MAST2: variants seen among roughly 807,000 people sequenced by gnomAD.
MAST2 encodes the protein microtubule-associated serine/threonine-protein kinase 2.
A neutral mutation model predicts 147.4 loss-of-function variants in MAST2; 70 were observed. The observed-to-expected ratio is 0.47, with a 90% confidence interval of 0.39 to 0.58. The LOEUF is 0.58. Among genes scored for constraint, MAST2 ranks in the 20% least tolerant of loss-of-function variants. MAST2 has a pLI of 0.00. For missense variants in MAST2, 2,080 were observed against 2,302.3 expected (o/e 0.90, Z 1.98); for synonymous variants, 869 against 896.8 (o/e 0.97, Z 0.55).
intron 5 of MAST2, among the ~76,000 whole-genome samples, chr1:45,972,436 C>T (rs1371304581): frequency 1.3e-5 from 2 of 152,198 alleles, no homozygotes; most frequent in East Asian, 3.8e-4. Context: ...GGCCAAGTGA[C>T]AGCTTGCCAC....
Position 46,031,525 on chromosome 1 carries a change from C to T in MAST2, c.3127C>T (p.Pro1043Ser), listed in dbSNP as rs762761198. ...CTCAACAGAGAAGCGCACTGCTCGC[C>T]CTGTCAACAAAGTGATCAAGTCCGC... The part of the protein sequence containing the change: ...GDSTEKRTAR[P>S]VNKVIKSASA... The change falls in exon 24 of 29, where the codon CCT becomes TCT. Residue 1043 changes from proline to serine, a missense_variant. By Grantham distance (74) the Pro-to-Ser change is moderately conservative (BLOSUM62 -1). Transcript: ENST00000361297. The surrounding 1 kb of genome is among the most constrained non-coding windows in gnomAD (Gnocchi z 4.1). 3 of 1,614,170 alleles carry T rather than the reference C, an allele frequency of 1.9e-6. No homozygotes were observed. In the South Asian group the frequency reaches 3.3e-5, roughly 18 times the overall value.
At chr1:45,839,977 G>A (rs1638692853) in intron 3 of MAST2, among the ~76,000 whole-genome samples, 1 of 152,150 alleles carries the variant, frequency 6.6e-6, no homozygotes, top group Admixed American at 6.5e-5. Context: ...AACTTGAAGT[G>A]GGTAATTGAA....
rs190232466 is a variant in MAST2 at position 46,034,468 on chromosome 1, C to T, written c.3869-70C>T. On this transcript the variant is annotated intron_variant, in intron 28 of 28. Transcript: ENST00000361297. ...CATAACAGGGCTAAGCCCTGTCTTGCCCTTGAGTCACTTCTAACAGCTAAC... is the reference window on the plus strand; with the variant it reads ...CATAACAGGGCTAAGCCCTGTCTTGTCCTTGAGTCACTTCTAACAGCTAAC... 110 of 1,490,628 alleles carry T rather than the reference C, an allele frequency of 7.4e-5. No homozygotes were observed. In the African/African-American group the frequency reaches 1.3e-3, roughly 18 times the overall value. The allele number at this position is 1,490,628 out of a possible 1,614,324, so 92.3% of individuals were successfully genotyped here. A position where few individuals can be genotyped will look rare whatever the true frequency, so the allele number is the denominator to read the frequency against.
intron 1 of MAST2, among the ~76,000 whole-genome samples, chr1:45,807,021 T>C (rs775086834): frequency 2.0e-5 from 3 of 152,204 alleles, no homozygotes; most frequent in Non-Finnish European, 4.4e-5. Context: ...AATTGAAATA[T>C]AATTCATGGC....
chr1:45,925,345 A>G (rs898180741), intron 4 of MAST2, among the ~76,000 whole-genome samples: 26 of 152,204 alleles, frequency 1.7e-4, no homozygotes, highest in Non-Finnish European at 3.5e-4. Flanking sequence ...GGTATGATGA[A>G]CCTTAAGAGG....
chr1:45,900,337 C>G (rs1020848318), intron 4 of MAST2, among the ~76,000 whole-genome samples: 1 of 151,880 alleles, frequency 6.6e-6, no homozygotes, highest in Non-Finnish European at 1.5e-5. Context: ...TAAGCATTCC[C>G]TTTTCTCTGC....
At chr1:46,029,176 C>A in intron 18 of MAST2, 1 of 550,822 alleles carries the variant, frequency 1.8e-6, no homozygotes, top group Non-Finnish European at 3.2e-6. Context: ...CCTGGGTGTT[C>A]CTGTCTGTGT....
chr1:45,824,304 A>G (rs964064721), intron 1 of MAST2, 129 bp from the exon 2 acceptor site: 6 of 531,348 alleles, frequency 1.1e-5, no homozygotes, highest in African/African-American at 1.9e-5. Context: ...GGTTTTAGCT[A>G]TGGAGGGGGA....
intron 28 of MAST2, 128 bp downstream of exon 28, chr1:46,034,394 C>G (rs1646812702): frequency 3.0e-6 from 4 of 1,340,524 alleles, no homozygotes; most frequent in African/African-American, 3.0e-5. Context: ...ATCCTGTAGT[C>G]TTGGGGAGGA....
intron 10 of MAST2, among the ~76,000 whole-genome samples, chr1:46,014,319 TC>T (rs1186021919): frequency 1.1e-5 from 1 of 94,448 alleles, no homozygotes; most frequent in African/African-American, 4.3e-5. Flanking sequence ...ATGCTATCCC[TC>T]CCCCCTCCCC....
At chr1:45,975,202 A>G (rs762264655) in intron 5 of MAST2, among the ~76,000 whole-genome samples, 4 of 152,160 alleles carry the variant, frequency 2.6e-5, no homozygotes, top group Non-Finnish European at 4.4e-5. Context: ...GCTGTACTAA[A>G]TGTGTGTCCA....
At position 45,826,781 on chromosome 1, in the gene MAST2, T is replaced by C. The variant is rs569941004; in HGVS notation, c.325+2201T>C. 2.0e-5 allele frequency among the ~76,000 whole-genome samples: 3 copies of C among 152,290 alleles called. No homozygotes were observed. The South Asian group carries it at 6.2e-4, about 32-fold the overall frequency. ...AGTTTTTTCACCCCCTCATTATCAG[T>C]GTCTGGCTGTTTCTGTCATTATGGC... On this transcript the variant is annotated intron_variant, in intron 2 of 28. Coordinates refer to ENST00000361297, the MANE Select transcript of MAST2 (RefSeq NM_015112.3).
chr1:45,930,342 G>C (rs1346473655), intron 4 of MAST2, among the ~76,000 whole-genome samples: 1 of 151,892 alleles, frequency 6.6e-6, no homozygotes, highest in African/African-American at 2.4e-5. Context: ...GCCTCCCAAA[G>C]TGCTGGGATT....
At chr1:45,892,178 C>G (rs1268204206) in intron 4 of MAST2, among the ~76,000 whole-genome samples, 3 of 152,158 alleles carry the variant, frequency 2.0e-5, no homozygotes, top group Admixed American at 2.0e-4. Context: ...ATATTCTGGT[C>G]AAAAGGAGAA....
chr1:45,839,129 A>ATTTTTTTTTTTTTTTTTT (rs370950575), intron 3 of MAST2, among the ~76,000 whole-genome samples: 2 of 127,608 alleles, frequency 1.6e-5, no homozygotes, highest in Non-Finnish European at 1.6e-5. Flanking sequence ...ACCATCACAA[A>ATTTTTTTTTTTTTTTTTT]TTTTTTTTTT....
intron 4 of MAST2, among the ~76,000 whole-genome samples, chr1:45,899,166 G>A (rs891475775): frequency 6.6e-5 from 10 of 152,030 alleles, no homozygotes; most frequent in African/African-American, 1.9e-4. Context: ...CAGGATGATG[G>A]TTTTCATTTA....
chr1:45,886,125 T>A (rs1647072042), intron 4 of MAST2, among the ~76,000 whole-genome samples: 1 of 151,430 alleles, frequency 6.6e-6, no homozygotes, highest in South Asian at 2.1e-4. Flanking sequence ...AATCAAAAAA[T>A]TTTGTATTGT....
chr1:45,939,375 A>T (rs2148782782), intron 4 of MAST2, among the ~76,000 whole-genome samples: 1 of 152,320 alleles, frequency 6.6e-6, no homozygotes, highest in Non-Finnish European at 1.5e-5. Context: ...CTATATGCCT[A>T]TCCTTGTGCT....
intron 3 of MAST2, among the ~76,000 whole-genome samples, chr1:45,844,938 C>T (rs1028543634): frequency 2.0e-5 from 3 of 152,060 alleles, no homozygotes; most frequent in Admixed American, 6.6e-5. Flanking sequence ...TGTTTCCTCA[C>T]GTGGCAGAAG....
Sources: gnomAD v4.1 joint callset for allele counts (sites outside exome capture counted in the v4.1 genomes callset) on GRCh38, gnomAD v4.1.1 for gene constraint, Gnocchi (gnomAD v3.1) non-coding constraint, MANE v1.5 for transcripts, NCBI Gene and HGNC (gene_info 2026-07-23, HGNC 2026-07-21) for gene names.